DCLK2: variants seen among roughly 807,000 people sequenced by gnomAD.
DCLK2 encodes doublecortin like kinase 2.
In DCLK2, 31 loss-of-function variants were observed where a neutral mutation model predicts 78.4. The observed-to-expected ratio is 0.40, with a 90% CI of 0.30 to 0.53. The LOEUF is 0.53. Among genes scored for constraint, DCLK2 ranks in the 20% least tolerant of loss-of-function variants. The pLI is 0.61. For synonymous variants in DCLK2, 407 were observed against 374.9 expected, an observed-to-expected ratio of 1.09 and a Z score of -0.99; for missense variants, 872 against 973.7, an observed-to-expected ratio of 0.90 and a Z score of 1.39.
intron 12 of DCLK2, among the ~76,000 whole-genome samples, chr4:150,247,375 A>T (rs898861283): frequency 2.0e-5 from 3 of 152,096 alleles, no homozygotes; most frequent in African/African-American, 7.2e-5. Flanking sequence ...TGTTTGAGTC[A>T]TTGTCTCTGT....
At chr4:150,169,956 T>C (rs1169804138) in intron 2 of DCLK2, among the ~76,000 whole-genome samples, 1 of 152,232 alleles carries the variant, frequency 6.6e-6, no homozygotes. Flanking sequence ...GATGTACTTA[T>C]ACTAAAAAAT....
At chr4:150,232,996 T>C (rs924553719) in intron 10 of DCLK2, among the ~76,000 whole-genome samples, 168 bp downstream of exon 10, 14 of 152,238 alleles carry the variant, frequency 9.2e-5, no homozygotes, top group African/African-American at 3.1e-4. Context: ...AATGGAGTTC[T>C]TGAATTTTTC....
chr4:150,085,887 G>A (rs1177162967), intron 1 of DCLK2, among the ~76,000 whole-genome samples: 2 of 152,196 alleles, frequency 1.3e-5, no homozygotes, highest in Non-Finnish European at 1.5e-5. Context: ...GACTAATACA[G>A]TCTTCTTTCG....
At chr4:150,121,739 A>G (rs574715244) in intron 2 of DCLK2, among the ~76,000 whole-genome samples, 1 of 152,322 alleles carries the variant, frequency 6.6e-6, no homozygotes, top group South Asian at 2.1e-4. Context: ...CGCTACGGCA[A>G]GTATAGCCTT....
intron 1 of DCLK2, among the ~76,000 whole-genome samples, chr4:150,093,706 AAAC>A (rs1730263077): frequency 6.6e-6 from 1 of 152,214 alleles, no homozygotes; most frequent in Admixed American, 6.5e-5. Context: ...AGAAATAGAA[AAAC>A]AACCTAAGAT....
intron 2 of DCLK2, among the ~76,000 whole-genome samples, chr4:150,180,193 G>A (rs10033999): frequency 6.6e-6 from 1 of 152,044 alleles, no homozygotes; most frequent in Non-Finnish European, 1.5e-5. Context: ...GTAAATCTCA[G>A]CTCCTCCCTT....
In DCLK2 at chr4:150,198,035, C is replaced by T. The variant is rs775761791; in HGVS notation, c.893C>T (p.Ser298Phe). Reference protein sequence around the residue: ...CRVLKSSYSRSSAVKYSGSKS... With the variant: ...CRVLKSSYSRFSAVKYSGSKS... ...GTCCTGAAGTCATCTTATTCTCGATCCTCAGCTGTTAAGTATTCTGGATCC... is the reference window on the plus strand; with the variant it reads ...GTCCTGAAGTCATCTTATTCTCGATTCTCAGCTGTTAAGTATTCTGGATCC... Residue 298 changes from serine to phenylalanine, a missense_variant, in exon 4 of 16, where the codon TCC becomes TTC. Physicochemically the swap from Ser to Phe is radical, Grantham distance 155. Coordinates refer to ENST00000296550, the MANE Select transcript of DCLK2 (RefSeq NM_001040260.4). 6.2e-7 allele frequency: 1 copy of T among 1,613,832 alleles called. No homozygotes were observed. Among genetic ancestry groups the T allele is most frequent in the South Asian group, 1.1e-5 (1 of 90,984 alleles).
chr4:150,250,585 G>C (rs1743701553), intron 15 of DCLK2, among the ~76,000 whole-genome samples: 4 of 151,838 alleles, frequency 2.6e-5, no homozygotes, highest in East Asian at 1.9e-4. Context: ...TTTCGAATCA[G>C]ACCTGCCAAG....
chr4:150,143,176 A>G (rs969776925), intron 2 of DCLK2, among the ~76,000 whole-genome samples: 4 of 152,132 alleles, frequency 2.6e-5, no homozygotes, highest in African/African-American at 4.8e-5. Flanking sequence ...CAGTATCTTC[A>G]TAGTATAGTG....
intron 12 of DCLK2, among the ~76,000 whole-genome samples, chr4:150,242,972 G>A (rs1743037011): frequency 6.6e-6 from 1 of 152,210 alleles, no homozygotes; most frequent in African/African-American, 2.4e-5. Context: ...GCCAGTTACA[G>A]TGGAGTTCCC....
intron 2 of DCLK2, among the ~76,000 whole-genome samples, chr4:150,188,637 C>G (rs753125849): frequency 2.6e-5 from 4 of 151,864 alleles, no homozygotes; most frequent in African/African-American, 9.7e-5. Flanking sequence ...CATGGTGGCT[C>G]ACGCCTGTAA....
chr4:150,225,764 C>T (rs1240418403), intron 8 of DCLK2, among the ~76,000 whole-genome samples: 3 of 152,068 alleles, frequency 2.0e-5, no homozygotes, highest in Non-Finnish European at 2.9e-5. Context: ...GTTAGAATTA[C>T]GTATATGGAT....
intron 2 of DCLK2, among the ~76,000 whole-genome samples, chr4:150,114,923 A>G (rs1409505846): frequency 4.6e-5 from 7 of 152,140 alleles, no homozygotes; most frequent in South Asian, 2.1e-4. Flanking sequence ...TTGTATTTAG[A>G]TATCTAAATC....
chr4:150,098,111 C>T lies in DCLK2; in HGVS notation c.422-4367C>T, dbSNP rs531214011. On this transcript the variant is annotated intron_variant, in intron 1 of 15. Coordinates refer to ENST00000296550, the MANE Select transcript of DCLK2 (RefSeq NM_001040260.4). ...TAATATTAGGAAGGATCTAAGGAAA[C>T]GGGGGCTCACTCTGTCTTGGGTGCT... 1.3e-4 allele frequency among the ~76,000 whole-genome samples: 20 copies of T among 152,078 alleles called. No individual in the cohort carries two copies. The South Asian group carries it at 2.7e-3, about 21-fold the overall frequency.
chr4:150,167,804 G>A (rs968013390), intron 2 of DCLK2, among the ~76,000 whole-genome samples: 2 of 152,142 alleles, frequency 1.3e-5, no homozygotes, highest in African/African-American at 2.4e-5. Flanking sequence ...CTGGGCGAGT[G>A]GGCTCAAGCA....
chr4:150,150,204 G>C (rs1047417946), intron 2 of DCLK2, among the ~76,000 whole-genome samples: 1 of 152,246 alleles, frequency 6.6e-6, no homozygotes, highest in East Asian at 1.9e-4. Flanking sequence ...ATAAAGTATC[G>C]TATACTACTG....
rs753102549 is a variant in DCLK2 at position 150,256,117 on chromosome 4, C to T, written c.2171C>T (p.Ser724Leu). ...GAGCCCATCTCTCCAGTTCCTCCCT[C>T]AGTGGAGGAGATCCCTGTGCCTGGG... ...GMEPISPVPPSVEEIPVPGEA... is the reference protein window; with the variant it reads ...GMEPISPVPPLVEEIPVPGEA... Residue 724 changes from serine (S) to leucine (L), a missense_variant, in exon 16 of 16, where the codon TCA (serine) becomes TTA (leucine). Physicochemically the swap from Ser to Leu is moderately radical, Grantham distance 145. Coordinates refer to ENST00000296550, the MANE Select transcript of DCLK2 (RefSeq NM_001040260.4). 3.1e-6 allele frequency: 5 copies of T among 1,612,834 alleles called. No homozygotes were observed. Among genetic ancestry groups the T allele is most frequent in the East Asian group, 4.5e-5 (2 of 44,838 alleles).
chr4:150,190,229 GGATAGTTA>G lies in DCLK2; in HGVS notation c.757-2903_757-2896del, dbSNP rs1182203316. ...GATATAGATAGATAGATGGATAGAT[GGATAGTTA>G]GATAGATAGATAGATAGATAGATAG... On this transcript the variant is annotated intron_variant, in intron 2 of 15. Transcript: ENST00000296550. Among the ~76,000 whole-genome samples the G allele has an allele frequency of 4.0e-4, 37 of 91,784 alleles. 1 individual carries two copies. The highest frequency in any genetic ancestry group is 1.0e-3 in the Admixed American group (9 of 8,688). The allele number at this position is 91,784 out of a possible 152,430, so 60.2% of individuals were successfully genotyped here.
At position 150,132,415 on chromosome 4, in the gene DCLK2, G is replaced by A. The variant is rs183553828; in HGVS notation, c.756+29603G>A. Among the ~76,000 whole-genome samples, 6 of 152,318 alleles carry A rather than the reference G, an allele frequency of 3.9e-5. No homozygotes were observed. In the East Asian group the frequency reaches 1.2e-3, roughly 29 times the overall value. On this transcript the variant is annotated intron_variant, in intron 2 of 15. Transcript: ENST00000296550. ...CCTATGCAGAATGCAGTGTAGAGAG[G>A]TTTCATTTTAGAGAGCAAGCAAAAG...
Sources: allele counts gnomAD v4.1 joint callset (sites outside exome capture counted in the v4.1 genomes callset), GRCh38; gene constraint gnomAD v4.1.1; transcripts MANE v1.5; gene names NCBI Gene and HGNC (gene_info 2026-07-23, HGNC 2026-07-21).